Variants in TRAF2 observed in about 807,000 individuals in gnomAD.
The protein encoded by TRAF2 is TNF receptor associated factor 2.
In TRAF2, 6 loss-of-function variants were observed where a neutral mutation model predicts 55.6. The observed-to-expected ratio is 0.11, with a 90% CI of 0.06 to 0.21. The LOEUF (loss-of-function observed/expected upper bound fraction) is 0.21, where lower values mean the gene tolerates loss of function less well. TRAF2 is among the 10% of genes least tolerant of loss of function. TRAF2 has a pLI of 1.00. For missense variants in TRAF2, 561 were observed against 684.5 expected (o/e 0.82, Z 2.01); for synonymous variants, 329 against 276.3 (o/e 1.19, Z -1.89).
At chr9:136,898,357 C>T (rs1048899664) in intron 1 of TRAF2, among the ~76,000 whole-genome samples, 4 of 152,230 alleles carry the variant, frequency 2.6e-5, no homozygotes, top group African/African-American at 7.2e-5. Context: ...CCTTGAGAAC[C>T]TCTGACCATT....
chr9:136,894,450 C>A (rs1849641303), intron 1 of TRAF2, among the ~76,000 whole-genome samples: 1 of 152,122 alleles, frequency 6.6e-6, no homozygotes, highest in Non-Finnish European at 1.5e-5. Context: ...GGCTGCTGGG[C>A]CTTGTCCTGG....
chr9:136,898,738 C>G lies in TRAF2; in HGVS notation c.-3C>G. On this transcript the variant is annotated 5_prime_UTR_variant, in exon 2 of 11. Coordinates refer to ENST00000247668, the MANE Select transcript of TRAF2 (RefSeq NM_021138.4). ...GGCTTTGTTCGCGGGGGTCACAGCT[C>G]TCATGGCTGCAGCTAGCGTGACCCC... 1 of 1,613,274 alleles carries G rather than the reference C, an allele frequency of 6.2e-7. No homozygotes were observed. Among genetic ancestry groups the G allele is most frequent in the Non-Finnish European group, 8.5e-7 (1 of 1,180,012 alleles).
chr9:136,882,828 C>A, upstream of TRAF2: 1 of 783,392 alleles, frequency 1.3e-6, no homozygotes, highest in Non-Finnish European at 1.5e-6. Context: ...GCCTCTGCCT[C>A]TCAGTCAGGC....
In TRAF2 at chr9:136,898,839, G is replaced by A; in HGVS notation, c.99G>A (p.Leu33=). The change falls in exon 2 of 11, where the codon CTG becomes CTA. Residue 33 remains leucine (L), a synonymous_variant. Coordinates refer to ENST00000247668, the MANE Select transcript of TRAF2 (RefSeq NM_021138.4). ...LLGTKLEAKY[L]CSACRNVLRR... is the part of the protein sequence containing the mutation. ...GGACCAAGCTGGAAGCCAAGTACCTGTGCTCCGCCTGCAGAAACGTCCTCC... is the reference window on the plus strand; with the variant it reads ...GGACCAAGCTGGAAGCCAAGTACCTATGCTCCGCCTGCAGAAACGTCCTCC... 4 of 1,613,708 alleles carry A rather than the reference G, an allele frequency of 2.5e-6. No individual in the cohort carries two copies. The highest frequency in any genetic ancestry group is 3.4e-6 in the Non-Finnish European group (4 of 1,180,028).
intron 6 of TRAF2, among the ~76,000 whole-genome samples, chr9:136,911,694 G>C (rs541902460): frequency 1.3e-5 from 2 of 152,188 alleles, no homozygotes; most frequent in African/African-American, 2.4e-5. Flanking sequence ...TGGAACTCTG[G>C]CCCTTCAATG....
intron 1 of TRAF2, chr9:136,898,487 GT>G: frequency 1.4e-6 from 1 of 738,796 alleles, no homozygotes; most frequent in Non-Finnish European, 1.7e-6. Flanking sequence ...CAGCTGTGTG[GT>G]CCCCAGCCTC....
intron 1 of TRAF2, among the ~76,000 whole-genome samples, chr9:136,898,197 A>C (rs1173846268): frequency 6.6e-6 from 1 of 152,180 alleles, no homozygotes; most frequent in Non-Finnish European, 1.5e-5. Flanking sequence ...GTCTGGCGGC[A>C]TGGCTCTCTC....
chr9:136,919,626 T>C (rs1280508726), intron 7 of TRAF2, among the ~76,000 whole-genome samples: 2 of 151,798 alleles, frequency 1.3e-5, no homozygotes, highest in Non-Finnish European at 2.9e-5. Context: ...GTGTGTTGCT[T>C]TTATTTTTCT....
At chr9:136,907,233 C>G (rs1394753057) in intron 4 of TRAF2, among the ~76,000 whole-genome samples, 1 of 152,256 alleles carries the variant, frequency 6.6e-6, no homozygotes, top group African/African-American at 2.4e-5. Context: ...CACCGGCTCC[C>G]GCTTCCCTAG....
chr9:136,908,743 G>A (rs1036880733), intron 5 of TRAF2, among the ~76,000 whole-genome samples: 2 of 152,084 alleles, frequency 1.3e-5, no homozygotes, highest in African/African-American at 2.4e-5. Flanking sequence ...GGTGGCGGGC[G>A]CCTGCAGTCC....
At chr9:136,920,641 AC>A in intron 8 of TRAF2, 126 bp downstream of exon 8, 1 of 1,290,860 alleles carries the variant, frequency 7.7e-7, no homozygotes, top group Non-Finnish European at 1.0e-6. Flanking sequence ...CCATCTGCAA[AC>A]CCCAGTCCAG....
intron 6 of TRAF2, 105 bp from the exon 7 acceptor site, chr9:136,916,436 C>A: frequency 8.6e-7 from 1 of 1,167,692 alleles, no homozygotes; most frequent in Non-Finnish European, 1.3e-6. Context: ...AAGAGGCCAA[C>A]GGGGCAGGTC....
intron 4 of TRAF2, among the ~76,000 whole-genome samples, chr9:136,903,282 G>C (rs1355837976): frequency 6.6e-6 from 1 of 152,210 alleles, no homozygotes; most frequent in African/African-American, 2.4e-5. Context: ...TTAGGTAAAT[G>C]TTGATGGAGT....
Position 136,926,329 on chromosome 9 carries a change from G to A in TRAF2, c.*428G>A, listed in dbSNP as rs1265660443. ...CAGGCAGAAACGAGGGCTGCTCCAG[G>A]AGAAGGGCCTCCTGCTGGCCAGAGC... On this transcript the variant is annotated 3_prime_UTR_variant, in exon 11 of 11. Transcript: ENST00000247668. 2.9e-6 allele frequency: 1 copy of A among 342,518 alleles called. No homozygotes were observed. Among genetic ancestry groups the A allele is most frequent in the Non-Finnish European group, 5.8e-6 (1 of 172,578 alleles). The allele number at this position is 342,518 out of a possible 1,614,324, so 21.2% of individuals were successfully genotyped here.
At chr9:136,923,314 A>T (rs1348118293) in intron 9 of TRAF2, among the ~76,000 whole-genome samples, 1 of 152,190 alleles carries the variant, frequency 6.6e-6, no homozygotes, top group Non-Finnish European at 1.5e-5. Context: ...TGGGATTCTT[A>T]GAAATGCTTT....
chr9:136,899,210 A>G (rs1849758080), intron 2 of TRAF2, among the ~76,000 whole-genome samples: 1 of 152,220 alleles, frequency 6.6e-6, no homozygotes, highest in Non-Finnish European at 1.5e-5. Flanking sequence ...TGGAAAGTTT[A>G]AAGTGCCACC....
chr9:136,882,027 A>G (rs1438440224), upstream of TRAF2: 4 of 985,376 alleles, frequency 4.1e-6, no homozygotes, highest in African/African-American at 7.0e-5. Context: ...GACTGCGGCT[A>G]TTTGAGGTGG....
At chr9:136,887,120 G>T (rs1288394069) in intron 1 of TRAF2, among the ~76,000 whole-genome samples, 1 of 152,208 alleles carries the variant, frequency 6.6e-6, no homozygotes, top group Non-Finnish European at 1.5e-5. Context: ...CCCAGGCTGA[G>T]CCTGGGTGAA....
At position 136,908,062 on chromosome 9, in the gene TRAF2, G is replaced by T. The variant is rs541430776; in HGVS notation, c.367-8G>T. ...AGTTCTACTGACGCTTCCTCCTTTC[G>T]TTGCTAGAGCTGCCACGAAGGCCGC... On this transcript the variant is annotated splice_polypyrimidine_tract_variant and splice_region_variant and intron_variant, in intron 4 of 10. Transcript: ENST00000247668. The T allele has an allele frequency of 2.4e-5, 39 of 1,596,820 alleles. No individual in the cohort carries two copies. Among genetic ancestry groups the T allele is most frequent in the Non-Finnish European group, 3.1e-5 (37 of 1,176,298 alleles).
Sources: allele counts gnomAD v4.1 joint callset (sites outside exome capture counted in the v4.1 genomes callset), GRCh38; gene constraint gnomAD v4.1.1; transcripts MANE v1.5; gene names NCBI Gene and HGNC (gene_info 2026-07-23, HGNC 2026-07-21).